Variants in KAZN observed in about 807,000 individuals in gnomAD.
KAZN encodes the protein kazrin, periplakin interacting protein.
Under a neutral mutation model 87.4 loss-of-function variants are expected in KAZN, and 40 were observed. The ratio of observed to expected loss-of-function variants is 0.46; its 90% CI spans 0.36 to 0.60. The LOEUF (loss-of-function observed/expected upper bound fraction) is 0.60. KAZN is among the 20% of genes least tolerant of loss of function. The pLI is 0.00. For synonymous variants in KAZN, 466 were observed against 458.3 expected (o/e 1.02, Z -0.22); for missense variants, 898 against 1,073.9 (o/e 0.84, Z 2.29).
intron 2 of KAZN, among the ~76,000 whole-genome samples, chr1:14,558,560 A>T (rs1264860422): frequency 6.6e-6 from 1 of 152,174 alleles, no homozygotes; most frequent in Non-Finnish European, 1.5e-5. Context: ...CTTTTTGAAC[A>T]TAGAGTCATG....
intron 2 of KAZN, among the ~76,000 whole-genome samples, chr1:14,286,329 C>A (rs1209667654): frequency 6.6e-6 from 1 of 152,212 alleles, no homozygotes; most frequent in East Asian, 1.9e-4. Context: ...ACCCTAGTGA[C>A]CTCATGTTAA....
intron 1 of KAZN, among the ~76,000 whole-genome samples, chr1:14,039,517 G>C (rs1439475761): frequency 6.6e-6 from 1 of 152,206 alleles, no homozygotes. Flanking sequence ...AGTGGGCTTT[G>C]AGTGACAGCT....
At chr1:13,910,648 T>G (rs1472604234) in intron 1 of KAZN, among the ~76,000 whole-genome samples, 1 of 152,090 alleles carries the variant, frequency 6.6e-6, no homozygotes, top group East Asian at 1.9e-4. Flanking sequence ...AGCATCATGC[T>G]TCCTGTACAG....
chr1:14,149,172 G>T (rs1161761415), intron 1 of KAZN, among the ~76,000 whole-genome samples: 1 of 135,364 alleles, frequency 7.4e-6, no homozygotes, highest in African/African-American at 2.8e-5. Flanking sequence ...CATGATCTTG[G>T]CTCCTTGCAA....
rs188128820 is a variant in KAZN at position 14,631,861 on chromosome 1, A to C, written c.226+32638A>C. 3.1e-3 allele frequency among the ~76,000 whole-genome samples: 470 copies of C among 152,360 alleles called. 4 individuals carry two copies. Among genetic ancestry groups the C allele is most frequent in the African/African-American group, 0.011 (445 of 41,578 alleles). ...CTGTGTTGTTTTTATACCAGAAGAAAGAAAAAGCAGTGAGAGACATCTGGG... is the reference window on the plus strand; with the variant it reads ...CTGTGTTGTTTTTATACCAGAAGAACGAAAAAGCAGTGAGAGACATCTGGG... On this transcript the variant is annotated intron_variant, in intron 1 of 14. Transcript: ENST00000376030.
intron 8 of KAZN, among the ~76,000 whole-genome samples, chr1:15,087,535 G>C (rs145155200): frequency 1.3e-5 from 2 of 152,014 alleles, no homozygotes; most frequent in Admixed American, 6.6e-5. Context: ...TGGGACTACA[G>C]GCATGCACCA....
intron 2 of KAZN, among the ~76,000 whole-genome samples, chr1:14,990,201 C>G (rs1195073050): frequency 6.6e-6 from 1 of 152,036 alleles, no homozygotes; most frequent in East Asian, 1.9e-4. Context: ...ACTGGCTCAC[C>G]ACTTGTTTTT....
chr1:14,142,777 C>G (rs1014016391), intron 1 of KAZN, among the ~76,000 whole-genome samples: 15 of 152,130 alleles, frequency 9.9e-5, no homozygotes, highest in Admixed American at 9.2e-4. Context: ...TGGTACAATC[C>G]CTTCTCCACC....
chr1:15,089,568 T>A (rs1178295723), intron 8 of KAZN, among the ~76,000 whole-genome samples: 3 of 152,032 alleles, frequency 2.0e-5, no homozygotes, highest in Admixed American at 6.6e-5. Context: ...CAGCCTTGAC[T>A]AAGTGCCTAC....
chr1:14,847,355 C>T (rs746790857), intron 1 of KAZN, among the ~76,000 whole-genome samples: 9 of 152,180 alleles, frequency 5.9e-5, no homozygotes, highest in Non-Finnish European at 1.0e-4. Flanking sequence ...CTGTGAAGAA[C>T]AGACACTGGC....
At chr1:14,048,596 G>T (rs935466529) in intron 1 of KAZN, among the ~76,000 whole-genome samples, 1 of 151,946 alleles carries the variant, frequency 6.6e-6, no homozygotes, top group African/African-American at 2.4e-5. Context: ...TAGAGACAGG[G>T]TTTCACCATG....
rs147925852 is a variant in KAZN at position 15,044,033 on chromosome 1, G to T, written c.600G>T (p.Leu200=). The change falls in exon 4 of 15, where the codon CTG becomes CTT. Residue 200 remains leucine, a synonymous_variant. Coordinates refer to ENST00000376030, the MANE Select transcript of KAZN (RefSeq NM_201628.3). Reference sequence around the variant, plus strand: ...AAGCGCTGGCCAAGGAGAAGGACCTGCTGGAGCGTGAGAAGTGGGAGCTGC... The same window carrying T: ...AAGCGCTGGCCAAGGAGAAGGACCTTCTGGAGCGTGAGAAGTGGGAGCTGC... ...AVKALAKEKD[L]LEREKWELRR... 10 of 1,612,390 alleles carry T rather than the reference G, an allele frequency of 6.2e-6. No homozygotes were observed. The highest frequency in any genetic ancestry group is 8.5e-6 in the Non-Finnish European group (10 of 1,179,792).
intron 1 of KAZN, among the ~76,000 whole-genome samples, chr1:14,103,022 C>A (rs966888646): frequency 6.6e-6 from 1 of 152,020 alleles, no homozygotes; most frequent in Non-Finnish European, 1.5e-5. Context: ...GATTCTCATG[C>A]CTTCATGCCT....
At chr1:14,801,674 T>C (rs1469518682) in intron 1 of KAZN, among the ~76,000 whole-genome samples, 2 of 148,098 alleles carry the variant, frequency 1.4e-5, no homozygotes, top group African/African-American at 5.0e-5. Flanking sequence ...AAGTTTTTTT[T>C]GTTTTTTTTG....
chr1:15,106,464 T>C (rs572326), intron 13 of KAZN, among the ~76,000 whole-genome samples: 144,316 of 152,226 alleles, frequency 0.95, 68,437 homozygotes, highest in East Asian at 0.99. Context: ...AGCAGGCATT[T>C]GTGTATCTGA....
intron 1 of KAZN, among the ~76,000 whole-genome samples, chr1:13,966,983 T>G (rs906036806): frequency 6.6e-6 from 1 of 152,210 alleles, no homozygotes; most frequent in South Asian, 2.1e-4. Flanking sequence ...CGTTCTACTG[T>G]GTCTGTATAA....
At chr1:14,744,047 A>G (rs1174817304) in intron 1 of KAZN, among the ~76,000 whole-genome samples, 1 of 152,190 alleles carries the variant, frequency 6.6e-6, no homozygotes, top group East Asian at 1.9e-4. Context: ...AAGAGAAACT[A>G]GGAGCCACTC....
rs1641787433 is a variant in KAZN at position 13,962,392 on chromosome 1, G to A, written c.91+68636G>A. On this transcript the variant is annotated intron_variant, in intron 1 of 16. Coordinates refer to the KAZN transcript ENST00000636203. ...GAAGGCAACACCTTCTCAGAATGCT[G>A]AGCAACTTTGTCCACACAGTGGAGG... 2.0e-5 allele frequency among the ~76,000 whole-genome samples: 3 copies of A among 152,268 alleles called. No individual in the cohort carries two copies. In the South Asian group the frequency reaches 6.2e-4, roughly 32 times the overall value.
chr1:14,733,236 T>G (rs921563264), intron 1 of KAZN, among the ~76,000 whole-genome samples: 2 of 152,152 alleles, frequency 1.3e-5, no homozygotes, highest in Non-Finnish European at 2.9e-5. Context: ...AATTCTCGCA[T>G]GTTCCCGGCA....
Sources: allele counts gnomAD v4.1 joint callset (sites outside exome capture counted in the v4.1 genomes callset), GRCh38; gene constraint gnomAD v4.1.1; transcripts MANE v1.5; gene names NCBI Gene and HGNC (gene_info 2026-07-23, HGNC 2026-07-21).